RBFOX1: variants seen among roughly 807,000 people sequenced by gnomAD.
RBFOX1 encodes the protein RNA binding fox-1 homolog 1, also known as RNA binding protein fox-1 homolog 1.
Under a neutral mutation model 57.7 loss-of-function variants are expected in RBFOX1, and 8 were observed. That is an observed-to-expected ratio of 0.14 (90% CI 0.08 to 0.25). RBFOX1 has a LOEUF of 0.25. RBFOX1 is among the 10% of genes least tolerant of loss of function. The pLI, the probability that RBFOX1 is intolerant of heterozygous loss-of-function variation, is 1.00. For missense variants in RBFOX1, 611 were observed against 548.5 expected, an observed-to-expected ratio of 1.11 and a Z score of -1.14; for synonymous variants, 326 against 222.4, an observed-to-expected ratio of 1.47 and a Z score of -4.15.
chr16:6,545,524 G>T (rs977397851), intron 2 of RBFOX1, among the ~76,000 whole-genome samples: 2 of 152,114 alleles, frequency 1.3e-5, no homozygotes, highest in Non-Finnish European at 2.9e-5. Flanking sequence ...TGGTCACTTG[G>T]CAAGGTCCAC....
intron 3 of RBFOX1, among the ~76,000 whole-genome samples, chr16:5,609,733 C>T (rs1006968465): frequency 4.6e-5 from 7 of 152,068 alleles, no homozygotes; most frequent in African/African-American, 9.7e-5. Flanking sequence ...ACATGCTGTT[C>T]CCCTGACCAC....
intron 1 of RBFOX1, among the ~76,000 whole-genome samples, chr16:6,312,678 TTCCTTC>T (rs2080497948): frequency 6.7e-6 from 1 of 148,416 alleles, no homozygotes; most frequent in African/African-American, 2.5e-5. Flanking sequence ...CCTTCCTTCC[TTCCTTC>T]CTTCCTTCCT....
At chr16:7,022,422 A>G (rs1026078474) in intron 3 of RBFOX1, among the ~76,000 whole-genome samples, 2 of 151,982 alleles carry the variant, frequency 1.3e-5, no homozygotes, top group African/African-American at 2.4e-5. Context: ...AACCCAGAGC[A>G]TATCTTCATG....
chr16:5,318,067 T>C (rs2064291614), intron 1 of RBFOX1, among the ~76,000 whole-genome samples: 1 of 152,106 alleles, frequency 6.6e-6, no homozygotes, highest in Non-Finnish European at 1.5e-5. Flanking sequence ...TGGATGTCTG[T>C]AGGTTTGAGT....
At chr16:5,565,315 A>T (rs1003486789) in intron 2 of RBFOX1, among the ~76,000 whole-genome samples, 1 of 152,176 alleles carries the variant, frequency 6.6e-6, no homozygotes, top group Non-Finnish European at 1.5e-5. Context: ...GCATGTGCAC[A>T]TACCACTACA....
At chr16:5,798,535 A>G (rs1253922650) in intron 3 of RBFOX1, among the ~76,000 whole-genome samples, 2 of 152,196 alleles carry the variant, frequency 1.3e-5, no homozygotes, top group African/African-American at 4.8e-5. Flanking sequence ...AACTTTAAAC[A>G]GTTGGGTATT....
chr16:6,038,524 C>T (rs1307635030), intron 1 of RBFOX1: 1 of 107,996 alleles, frequency 9.3e-6, no homozygotes, highest in Non-Finnish European at 1.9e-5. Flanking sequence ...ATATATATAT[C>T]CGTGGAGATA....
intron 2 of RBFOX1, among the ~76,000 whole-genome samples, chr16:6,615,278 C>G (rs985299097): frequency 5.9e-5 from 9 of 152,132 alleles, no homozygotes; most frequent in African/African-American, 2.2e-4. Flanking sequence ...GCTAATAATT[C>G]CAAAATACAT....
intron 3 of RBFOX1, among the ~76,000 whole-genome samples, chr16:5,731,734 G>T (rs1371981120): frequency 6.6e-6 from 1 of 152,174 alleles, no homozygotes; most frequent in Non-Finnish European, 1.5e-5. Context: ...AAGAAATGTG[G>T]GTAGGGAGAA....
At chr16:7,258,548 A>C (rs2094789693) in intron 4 of RBFOX1, among the ~76,000 whole-genome samples, 1 of 152,168 alleles carries the variant, frequency 6.6e-6, no homozygotes, top group Non-Finnish European at 1.5e-5. Flanking sequence ...GTAAAAATAT[A>C]TCAGTACTGG....
intron 4 of RBFOX1, among the ~76,000 whole-genome samples, chr16:7,412,622 A>G (rs186017168): frequency 2.0e-5 from 3 of 152,352 alleles, no homozygotes; most frequent in Admixed American, 6.5e-5. Flanking sequence ...TCACTTAGTA[A>G]TACAAAGCAT....
rs943783981 is a variant in RBFOX1, at chr16:5,946,932, G to C, written c.351+79597G>C. On this transcript the variant is annotated intron_variant, in intron 4 of 19. Coordinates refer to the RBFOX1 transcript ENST00000641259. This position sits in a 1 kb window ranked among gnomAD's most constrained non-coding sequence, Gnocchi z 4.6. ...CAGAGTTTTCTCTGTTAGAAGAAAG[G>C]CCAGAGCAGTGGCTCACAGCCGTAA... Among the ~76,000 whole-genome samples the C allele has an allele frequency of 8.5e-5, 13 of 152,160 alleles. No homozygotes were observed. Among genetic ancestry groups the C allele is most frequent in the African/African-American group, 3.1e-4 (13 of 41,436 alleles).
At chr16:7,125,519 A>G (rs2068281344) in intron 4 of RBFOX1, among the ~76,000 whole-genome samples, 1 of 152,206 alleles carries the variant, frequency 6.6e-6, no homozygotes, top group Non-Finnish European at 1.5e-5. Flanking sequence ...TTCAGAAAAT[A>G]TGGTTAACAC....
At chr16:5,934,371 G>A (rs1055319915) in intron 4 of RBFOX1, among the ~76,000 whole-genome samples, 1 of 152,146 alleles carries the variant, frequency 6.6e-6, no homozygotes, top group Non-Finnish European at 1.5e-5. Context: ...ATTCTTTATG[G>A]CAGCTGGTGT....
At chr16:5,547,307 C>G (rs1567216232) in intron 2 of RBFOX1, among the ~76,000 whole-genome samples, 1 of 152,126 alleles carries the variant, frequency 6.6e-6, no homozygotes, top group Non-Finnish European at 1.5e-5. Context: ...TGTGCATGAA[C>G]ATTGATGGTG....
chr16:7,448,791 C>G (rs1345995332), intron 4 of RBFOX1, among the ~76,000 whole-genome samples: 1 of 152,134 alleles, frequency 6.6e-6, no homozygotes, highest in Non-Finnish European at 1.5e-5. Flanking sequence ...TCTGTCTTCA[C>G]CTAATCTTCT....
At chr16:6,984,334 G>T (rs1037409898) in intron 3 of RBFOX1, among the ~76,000 whole-genome samples, 4 of 152,126 alleles carry the variant, frequency 2.6e-5, no homozygotes, top group Non-Finnish European at 5.9e-5. Flanking sequence ...TGTGAAATAT[G>T]ATGGTATCAA....
At chr16:5,408,972 T>G (rs944956402) in intron 1 of RBFOX1, among the ~76,000 whole-genome samples, 3 of 152,234 alleles carry the variant, frequency 2.0e-5, no homozygotes, top group African/African-American at 7.2e-5. Context: ...GGGATTACAG[T>G]TCAGTGTGAG....
rs143631332 is a variant in RBFOX1 at position 6,987,564 on chromosome 16, C to T, written c.-15-64493C>T. Among the ~76,000 whole-genome samples the T allele has an allele frequency of 3.5e-3, 528 of 151,838 alleles. 7 individuals are homozygous for T. Among genetic ancestry groups the T allele is most frequent in the Non-Finnish European group, 2.3e-3 (159 of 67,954 alleles). On this transcript the variant is annotated intron_variant, in intron 3 of 15. Transcript: ENST00000550418. ...ATACACGGGCACATCTATACATAAG[C>T]ATAGGTGGGCACAGGTGCACAAACT...
Sources: allele counts gnomAD v4.1 joint callset (sites outside exome capture counted in the v4.1 genomes callset), GRCh38; gene constraint gnomAD v4.1.1; non-coding constraint Gnocchi (gnomAD v3.1); transcripts MANE v1.5; gene names NCBI Gene and HGNC (gene_info 2026-07-23, HGNC 2026-07-21).